TUBGCP2: variants seen among roughly 807,000 people sequenced by gnomAD.
TUBGCP2 encodes tubulin gamma complex component 2, also known as gamma-tubulin complex component 2.
Under a neutral mutation model 92.2 loss-of-function variants are expected in TUBGCP2, and 55 were observed. That is an observed-to-expected ratio of 0.60 (90% CI 0.48 to 0.75). The LOEUF is 0.75. TUBGCP2 is among the 30% of genes least tolerant of loss of function. The pLI is 0.00. For missense variants in TUBGCP2, 1,093 were observed against 1,188.9 expected, an observed-to-expected ratio of 0.92 and a Z score of 1.19; for synonymous variants, 533 against 505.2, an observed-to-expected ratio of 1.06 and a Z score of -0.74.
Position 133,279,933 on chromosome 10 carries a change from C to T in TUBGCP2, c.2574-32G>A, listed in dbSNP as rs552971624. 249 of 1,600,550 alleles carry T rather than the reference C, an allele frequency of 1.6e-4. 1 individual carries two copies. In the South Asian group the frequency reaches 2.7e-3, roughly 17 times the overall value. On this transcript the variant is annotated intron_variant, in intron 17 of 17. Coordinates refer to ENST00000252936, the MANE Select transcript of TUBGCP2 (RefSeq NM_006659.4). ...GGAAGGACAGTGGAGCTGGGGTGCACACCCCTTCTGCGGGTGCATGCTGGG... is the reference window on the plus strand; with the variant it reads ...GGAAGGACAGTGGAGCTGGGGTGCATACCCCTTCTGCGGGTGCATGCTGGG...
rs540540558 is a variant in TUBGCP2 at position 133,308,647 on chromosome 10, T to A, written c.-40+176A>T. The A allele has an allele frequency of 8.5e-5, 18 of 211,992 alleles. No individual in the cohort carries two copies. In the South Asian group the frequency reaches 3.4e-3, roughly 40 times the overall value. 13.1% of individuals were successfully genotyped at this position (211,992 alleles called of 1,614,324 possible). A position where few individuals can be genotyped will look rare whatever the true frequency, so the allele number is the denominator to read the frequency against. ...CGGGCCGCGGGGCAAGACGCTGGCCTGGCCGGTGCAGGCCCGAAGGGCTTC... is the reference window on the plus strand; with the variant it reads ...CGGGCCGCGGGGCAAGACGCTGGCCAGGCCGGTGCAGGCCCGAAGGGCTTC... On this transcript the variant is annotated intron_variant, in intron 1 of 17. Transcript: ENST00000252936.
chr10:133,305,920 GGGACCCTGAACAA>G (rs1484864747), intron 1 of TUBGCP2, among the ~76,000 whole-genome samples: 1 of 152,354 alleles, frequency 6.6e-6, no homozygotes, highest in East Asian at 1.9e-4. Context: ...TCTAGGCTGT[GGGACCCTGAACAA>G]GGACACGTCC....
intron 11 of TUBGCP2, among the ~76,000 whole-genome samples, chr10:133,287,195 C>G (rs1847153356): frequency 6.6e-6 from 1 of 152,224 alleles, no homozygotes; most frequent in Non-Finnish European, 1.5e-5. Flanking sequence ...GCGAGACAGA[C>G]AGCCGACCAA....
chr10:133,309,495 A>C (rs756999158), upstream of TUBGCP2: 1 of 1,599,838 alleles, frequency 6.3e-7, no homozygotes, highest in South Asian at 1.1e-5. Flanking sequence ...AGCCAGTGCT[A>C]CTCCTGCGCC....
At chr10:133,281,588 A>G (rs1402595726) in intron 16 of TUBGCP2, 152 bp from the exon 17 acceptor site, 2 of 1,051,726 alleles carry the variant, frequency 1.9e-6, no homozygotes, top group African/African-American at 1.6e-5. Flanking sequence ...GATTCAAGGT[A>G]AAAAAGACAT....
intron 2 of TUBGCP2, chr10:133,301,747 C>CTGAG (rs1847664013): frequency 9.7e-6 from 1 of 103,506 alleles, no homozygotes; most frequent in African/African-American, 4.0e-5. Flanking sequence ...GAGTCTCACT[C>CTGAG]TGACGCCCAG....
intron 1 of TUBGCP2, among the ~76,000 whole-genome samples, chr10:133,306,763 G>A (rs1847829553): frequency 6.6e-6 from 1 of 152,070 alleles, no homozygotes. Context: ...ATTCCAGCCT[G>A]GGCAACAGAG....
upstream of TUBGCP2, chr10:133,311,579 A>T (rs999067350): frequency 3.8e-5 from 28 of 738,340 alleles, no homozygotes; most frequent in Non-Finnish European, 5.9e-5. Flanking sequence ...CACACTATAA[A>T]ATCAGACTAT....
intron 15 of TUBGCP2, 101 bp downstream of exon 15, chr10:133,282,977 C>G: frequency 6.7e-7 from 1 of 1,499,778 alleles, no homozygotes; most frequent in Non-Finnish European, 9.0e-7. Context: ...TCCACGAACA[C>G]AAGGGCAGGA....
chr10:133,286,843 A>T (rs971971304), intron 11 of TUBGCP2, among the ~76,000 whole-genome samples: 1 of 152,220 alleles, frequency 6.6e-6, no homozygotes, highest in South Asian at 2.1e-4. Flanking sequence ...AACAGAAATT[A>T]TGACGCTAGG....
chr10:133,293,904 G>C, intron 5 of TUBGCP2, 135 bp from the exon 6 acceptor site: 2 of 927,072 alleles, frequency 2.2e-6, no homozygotes, highest in Non-Finnish European at 3.3e-6. Flanking sequence ...ACTGCACTTG[G>C]CTTTGACTGA....
At position 133,302,797 on chromosome 10, in the gene TUBGCP2, C is replaced by A; in HGVS notation, c.145G>T (p.Ala49Ser). Reference protein sequence around the residue: ...YVTTTVSAHSAKVKIAEFSRT... With the variant: ...YVTTTVSAHSSKVKIAEFSRT... ...ACACCAAGGGCAGTGCTCACCTTGG[C>A]ACTGTGAGCAGAGACAGTGGTAGTG... Residue 49 changes from alanine (A) to serine (S), a missense_variant, in exon 2 of 18, where the codon GCC (alanine) becomes TCC (serine). Around this residue, in one of 3 missense-constraint regions of TUBGCP2, gnomAD observed 490 missense variants for 488.5 expected, o/e 1.00. Coordinates refer to ENST00000252936, the MANE Select transcript of TUBGCP2 (RefSeq NM_006659.4). 6.2e-7 allele frequency: 1 copy of A among 1,612,532 alleles called. No homozygotes were observed. The highest frequency in any genetic ancestry group is 8.5e-7 in the Non-Finnish European group (1 of 1,179,968).
At position 133,292,513 on chromosome 10, in the gene TUBGCP2, G is replaced by A; in HGVS notation, c.1200C>T (p.Ile400=). The change falls in exon 8 of 18, where the codon ATC becomes ATT. Residue 400 remains isoleucine, a synonymous_variant. Coordinates refer to ENST00000252936, the MANE Select transcript of TUBGCP2 (RefSeq NM_006659.4). ...GGGAGCCCTACCTGTATGGGTCGTGGATGATGCCCCTGTAGATCCACTTCT... is the reference window on the plus strand; with the variant it reads ...GGGAGCCCTACCTGTATGGGTCGTGAATGATGCCCCTGTAGATCCACTTCT... ...VLEKWIYRGI[I]HDPYSEFMVE... 6.2e-7 allele frequency: 1 copy of A among 1,613,750 alleles called. No homozygotes were observed. The highest frequency in any genetic ancestry group is 1.1e-5 in the South Asian group (1 of 91,056).
chr10:133,298,396 C>T (rs1847542045), intron 4 of TUBGCP2, among the ~76,000 whole-genome samples: 1 of 152,230 alleles, frequency 6.6e-6, no homozygotes, highest in Non-Finnish European at 1.5e-5. Flanking sequence ...CAGTGGGAAC[C>T]ACGGGAGAGG....
At chr10:133,296,271 C>G (rs1450951105) in intron 5 of TUBGCP2, among the ~76,000 whole-genome samples, 3 of 152,198 alleles carry the variant, frequency 2.0e-5, no homozygotes, top group African/African-American at 7.2e-5. Context: ...CTCCAAAAAG[C>G]CGGCTCCACT....
intron 4 of TUBGCP2, 141 bp downstream of exon 4, chr10:133,299,286 G>A (rs951345074): frequency 1.3e-5 from 9 of 679,972 alleles, no homozygotes; most frequent in Non-Finnish European, 2.1e-5. Context: ...GCCTCTCTAA[G>A]GGATTCATTT....
At chr10:133,309,668 A>G (rs1847942411), upstream of TUBGCP2, 5 of 1,389,478 alleles carry the variant, frequency 3.6e-6, no homozygotes, top group Non-Finnish European at 5.1e-6. Flanking sequence ...TGGGATTGCA[A>G]AAGATGCATA....
chr10:133,310,957 G>A (rs958625703), upstream of TUBGCP2, among the ~76,000 whole-genome samples: 4 of 151,908 alleles, frequency 2.6e-5, no homozygotes, highest in African/African-American at 7.3e-5. Flanking sequence ...ACGCATCGCC[G>A]CACTCGGCAA....
intron 11 of TUBGCP2, among the ~76,000 whole-genome samples, chr10:133,286,955 C>G (rs920400213): frequency 2.6e-5 from 4 of 152,082 alleles, no homozygotes; most frequent in African/African-American, 9.7e-5. Context: ...CCCTAAGCAG[C>G]AGACAGGAGT....
Sources: allele counts gnomAD v4.1 joint callset (sites outside exome capture counted in the v4.1 genomes callset), GRCh38; gene constraint gnomAD v4.1.1; regional missense constraint gnomAD v4.1.1; transcripts MANE v1.5; gene names NCBI Gene and HGNC (gene_info 2026-07-23, HGNC 2026-07-21).